Variants in PARP8 observed in about 807,000 individuals in gnomAD.
The protein encoded by PARP8 is protein mono-ADP-ribosyltransferase PARP8.
In PARP8, 51 loss-of-function variants were observed where a neutral mutation model predicts 124.1. The observed-to-expected ratio is 0.41, with a 90% CI of 0.33 to 0.52. The LOEUF is 0.52. Among genes scored for constraint, PARP8 ranks in the 20% least tolerant of loss-of-function variants. The pLI, the probability that PARP8 is intolerant of heterozygous loss-of-function variation, is 0.21. For missense variants in PARP8, 860 were observed against 1,018.9 expected, an observed-to-expected ratio of 0.84 and a Z score of 2.12; for synonymous variants, 391 against 361.5, an observed-to-expected ratio of 1.08 and a Z score of -0.93.
In PARP8 at chr5:50,842,360, T is replaced by C. The variant is rs185193260; in HGVS notation, c.*292T>C. ...GAAAAAACTGTTTTGTGCTGATATT[T>C]TTATACTAAACTCTTTAACTGGATA... On this transcript the variant is annotated 3_prime_UTR_variant, in exon 26 of 26. Transcript: ENST00000281631. 14 of 234,602 alleles carry C rather than the reference T, an allele frequency of 6.0e-5. No homozygotes were observed. The Admixed American group carries it at 6.6e-4, about 11-fold the overall frequency. 14.5% of individuals were successfully genotyped at this position (234,602 alleles called of 1,614,324 possible). A position where few individuals can be genotyped will look rare whatever the true frequency, so the allele number is the denominator to read the frequency against.
intron 7 of PARP8, among the ~76,000 whole-genome samples, chr5:50,767,778 A>T (rs1325026103): frequency 6.6e-6 from 1 of 152,188 alleles, no homozygotes; most frequent in African/African-American, 2.4e-5. Context: ...ATTCACAAAC[A>T]TCTCTCCCAC....
At chr5:50,696,118 A>G (rs1428227705) in intron 2 of PARP8, among the ~76,000 whole-genome samples, 1 of 152,242 alleles carries the variant, frequency 6.6e-6, no homozygotes, top group African/African-American at 2.4e-5. Flanking sequence ...AATTAATCTT[A>G]GATATATAAT....
chr5:50,678,153 A>G (rs1407625123), intron 2 of PARP8, among the ~76,000 whole-genome samples: 2 of 152,166 alleles, frequency 1.3e-5, no homozygotes, highest in East Asian at 1.9e-4. Context: ...ACAAAAAGTA[A>G]TTATTTACTA....
rs796483258 is a variant in PARP8 at position 50,833,408 on chromosome 5, G to T, written c.2307+554G>T. On this transcript the variant is annotated intron_variant, in intron 23 of 25. Transcript: ENST00000281631. ...AGAGTAGAATGACCATCAATCCCAT[G>T]TTGTTTCAGAGAAAACAAGTATATT... is the stretch of plus-strand genomic sequence containing the variant. 54 of 453,976 alleles carry T rather than the reference G, an allele frequency of 1.2e-4. No homozygotes were observed. In the Middle Eastern group the frequency reaches 1.3e-3, roughly 11 times the overall value. 28.1% of individuals were successfully genotyped at this position (453,976 alleles called of 1,614,324 possible). A position where few individuals can be genotyped will look rare whatever the true frequency, so the allele number is the denominator to read the frequency against.
At chr5:50,688,599 A>C (rs1264446120) in intron 2 of PARP8, among the ~76,000 whole-genome samples, 1 of 152,234 alleles carries the variant, frequency 6.6e-6, no homozygotes, top group Non-Finnish European at 1.5e-5. Context: ...TTTCAAACTC[A>C]CATATATGGC....
intron 10 of PARP8, among the ~76,000 whole-genome samples, chr5:50,788,964 C>T (rs1293694699): frequency 6.6e-6 from 1 of 152,142 alleles, no homozygotes; most frequent in Non-Finnish European, 1.5e-5. Flanking sequence ...TCATCCTGAG[C>T]CGACCAGTCC....
At chr5:50,725,402 A>G (rs977621514) in intron 2 of PARP8, among the ~76,000 whole-genome samples, 1 of 152,126 alleles carries the variant, frequency 6.6e-6, no homozygotes, top group African/African-American at 2.4e-5. Flanking sequence ...AAAGTAAGAA[A>G]AGGCAATTAA....
intron 2 of PARP8, among the ~76,000 whole-genome samples, chr5:50,684,093 A>G (rs1209020627): frequency 6.6e-6 from 1 of 152,196 alleles, no homozygotes; most frequent in Non-Finnish European, 1.5e-5. Flanking sequence ...TTATTAAATA[A>G]TATTTGAATG....
chr5:50,776,952 T>C (rs1197430866), intron 7 of PARP8, among the ~76,000 whole-genome samples: 1 of 152,192 alleles, frequency 6.6e-6, no homozygotes, highest in East Asian at 1.9e-4. Context: ...GGCAACTTTT[T>C]TCACATCTTT....
At chr5:50,761,281 A>T (rs534480663) in intron 5 of PARP8, among the ~76,000 whole-genome samples, 5 of 152,286 alleles carry the variant, frequency 3.3e-5, no homozygotes, top group African/African-American at 1.2e-4. Context: ...AAGTTGAAGC[A>T]TATTAAATTA....
intron 2 of PARP8, among the ~76,000 whole-genome samples, chr5:50,687,433 C>G (rs1178680716): frequency 6.6e-6 from 1 of 152,164 alleles, no homozygotes; most frequent in Non-Finnish European, 1.5e-5. Flanking sequence ...CCACATTTTT[C>G]TGTCTTCTGA....
intron 14 of PARP8, among the ~76,000 whole-genome samples, chr5:50,798,350 A>G (rs1742790200): frequency 6.6e-6 from 1 of 151,436 alleles, no homozygotes; most frequent in South Asian, 2.1e-4. Context: ...TTCCCCACGT[A>G]TTATTCTCTA....
At chr5:50,724,591 C>G (rs1756227216) in intron 2 of PARP8, among the ~76,000 whole-genome samples, 1 of 152,018 alleles carries the variant, frequency 6.6e-6, no homozygotes. Flanking sequence ...TGCCATCTGT[C>G]TACAATTTAT....
intron 2 of PARP8, among the ~76,000 whole-genome samples, chr5:50,698,528 T>C (rs1055843959): frequency 9.2e-5 from 14 of 152,180 alleles, no homozygotes; most frequent in Middle Eastern, 3.2e-3. Flanking sequence ...CCATAACTTA[T>C]ACCGAGAGTT....
At chr5:50,783,383 C>G (rs1740887456) in intron 9 of PARP8, among the ~76,000 whole-genome samples, 1 of 152,084 alleles carries the variant, frequency 6.6e-6, no homozygotes, top group Non-Finnish European at 1.5e-5. Flanking sequence ...GACTTGAGAG[C>G]AAACAAAACA....
At chr5:50,798,468 T>C (rs1324370713) in intron 14 of PARP8, among the ~76,000 whole-genome samples, 1 of 151,388 alleles carries the variant, frequency 6.6e-6, no homozygotes, top group Admixed American at 6.6e-5. Context: ...TCACCCAGGC[T>C]GGAGTGCAGT....
intron 2 of PARP8, among the ~76,000 whole-genome samples, chr5:50,714,070 T>C (rs1259897157): frequency 6.6e-6 from 1 of 151,612 alleles, no homozygotes; most frequent in East Asian, 1.9e-4. Flanking sequence ...ATTTTTCTTT[T>C]CTTTTCTTTC....
At chr5:50,773,832 A>ATTTT (rs35571636) in intron 7 of PARP8, among the ~76,000 whole-genome samples, 15 of 136,084 alleles carry the variant, frequency 1.1e-4, no homozygotes, top group African/African-American at 4.2e-4. Flanking sequence ...TATTTCATTA[A>ATTTT]TTTTTTTTTT....
chr5:50,706,668 C>A (rs563410357), intron 2 of PARP8, among the ~76,000 whole-genome samples: 71 of 151,882 alleles, frequency 4.7e-4, no homozygotes, highest in African/African-American at 1.5e-3. Context: ...GTAGTCTTTC[C>A]AGTTTCTGAA....
Sources: gnomAD v4.1 joint callset for allele counts (sites outside exome capture counted in the v4.1 genomes callset) on GRCh38, gnomAD v4.1.1 for gene constraint, MANE v1.5 for transcripts, NCBI Gene and HGNC (gene_info 2026-07-23, HGNC 2026-07-21) for gene names.